Variants in HDHD5 observed in about 807,000 individuals in gnomAD.
HDHD5 encodes the protein haloacid dehalogenase-like hydrolase domain-containing 5.
A neutral mutation model predicts 35.5 loss-of-function variants in HDHD5; 34 were observed. That is an observed-to-expected ratio of 0.96 (90% CI 0.73 to 1.28). The LOEUF (loss-of-function observed/expected upper bound fraction) is 1.28, where lower values mean the gene tolerates loss of function less well. Ranked by LOEUF, HDHD5 falls within the 50% of genes most tolerant of loss-of-function variation. HDHD5 has a pLI of 0.00. For missense variants in HDHD5, 589 were observed against 560.2 expected (o/e 1.05, Z -0.52); for synonymous variants, 248 against 240.6 (o/e 1.03, Z -0.29).
At chr22:17,155,210 A>T (rs893614244) in intron 1 of HDHD5, among the ~76,000 whole-genome samples, 1 of 151,732 alleles carries the variant, frequency 6.6e-6, no homozygotes, top group Non-Finnish European at 1.5e-5. Context: ...CATTGCCTAA[A>T]CAGTCACAAG....
At chr22:17,149,188 C>A (rs1245596893) in intron 2 of HDHD5, among the ~76,000 whole-genome samples, 1 of 152,190 alleles carries the variant, frequency 6.6e-6, no homozygotes, top group African/African-American at 2.4e-5. Context: ...TGGTGCAGGG[C>A]TGCAGGTGGC....
At chr22:17,155,247 T>G (rs1370133394) in intron 1 of HDHD5, among the ~76,000 whole-genome samples, 1 of 151,020 alleles carries the variant, frequency 6.6e-6, no homozygotes, top group Non-Finnish European at 1.5e-5. Flanking sequence ...TTTTTTTTTT[T>G]GTTTGGTTGG....
chr22:17,152,076 GC>G (rs1374705011), intron 1 of HDHD5, among the ~76,000 whole-genome samples: 2 of 152,166 alleles, frequency 1.3e-5, no homozygotes, highest in Non-Finnish European at 2.9e-5. Flanking sequence ...TAGACAGGCA[GC>G]CCCAGGACAG....
rs142930307 is a variant in HDHD5, at chr22:17,152,447, A to T, written c.127-2702T>A. ...ACAGGGGTGGAGGGAAGAGGGAGCC[A>T]CACGGACTCCCATGCTTTTTTATTT... On this transcript the variant is annotated intron_variant, in intron 1 of 7. Coordinates refer to ENST00000336737, the MANE Select transcript of HDHD5 (RefSeq NM_033070.3). Among the ~76,000 whole-genome samples the T allele has an allele frequency of 2.6e-3, 401 of 152,266 alleles. 3 individuals carry two copies. The highest frequency in any genetic ancestry group is 9.3e-3 in the African/African-American group (386 of 41,524).
chr22:17,148,606 G>A (rs779527405), intron 2 of HDHD5, 46 bp from the exon 3 acceptor site: 27 of 1,415,620 alleles, frequency 1.9e-5, no homozygotes, highest in Admixed American at 5.1e-5. Context: ...AGACAGAACT[G>A]TTGAGGGAAA....
chr22:17,159,031 G>T lies in HDHD5; in HGVS notation c.126+95C>A, dbSNP rs1322619079. ...GTCCAGGCAGTTCCCAGGAGGCTGGGATACCAGCCCGGCCGCCCCTCCTTC... is the reference window on the plus strand; with the variant it reads ...GTCCAGGCAGTTCCCAGGAGGCTGGTATACCAGCCCGGCCGCCCCTCCTTC... On this transcript the variant is annotated intron_variant, in intron 1 of 7. Transcript: ENST00000336737. 3.7e-6 allele frequency: 4 copies of T among 1,087,154 alleles called. No homozygotes were observed. The Admixed American group carries it at 1.4e-4, about 39-fold the overall frequency. The allele number at this position is 1,087,154 out of a possible 1,614,324, so 67.3% of individuals were successfully genotyped here.
intron 3 of HDHD5, among the ~76,000 whole-genome samples, chr22:17,147,623 C>T (rs1601390145): frequency 7.1e-6 from 1 of 141,762 alleles, no homozygotes; most frequent in Non-Finnish European, 1.5e-5. Context: ...GCTTACCGGC[C>T]TTCAATCACA....
In HDHD5 at chr22:17,149,703, G is replaced by A. The variant is rs774504586; in HGVS notation, c.169C>T (p.Leu57Phe). 8 of 1,614,078 alleles carry A rather than the reference G, an allele frequency of 5.0e-6. No homozygotes were observed. The highest frequency in any genetic ancestry group is 3.3e-5 in the Admixed American group (2 of 60,016). ...GGGATCACTCTGTGGCCCCGCACAA[G>A]CACTCCATCGATGTCCAACAGGAAC... ...FGFLLDIDGV[L>F]VRGHRVIPAA... The change falls in exon 2 of 8, where the codon CTT becomes TTT. Residue 57 changes from leucine (L) to phenylalanine (F), a missense_variant. Leu to Phe is a conservative substitution (Grantham distance 22). Coordinates refer to ENST00000336737, the MANE Select transcript of HDHD5 (RefSeq NM_033070.3).
At chr22:17,148,648 G>A in intron 2 of HDHD5, 88 bp from the exon 3 acceptor site, 1 of 1,042,912 alleles carries the variant, frequency 9.6e-7, no homozygotes, top group Non-Finnish European at 1.4e-6. Flanking sequence ...CTTTAGCCTA[G>A]GGAAGGAAAA....
At chr22:17,157,022 G>A (rs2061801155) in intron 1 of HDHD5, among the ~76,000 whole-genome samples, 1 of 150,518 alleles carries the variant, frequency 6.6e-6, no homozygotes, top group Non-Finnish European at 1.5e-5. Flanking sequence ...AGGTTGCAGT[G>A]GACCGAGATG....
intron 4 of HDHD5, 137 bp downstream of exon 4, chr22:17,144,887 T>C: frequency 4.7e-6 from 5 of 1,070,798 alleles, no homozygotes; most frequent in Non-Finnish European, 6.8e-6. Context: ...AACAAAACCC[T>C]TAGCCAGATG....
chr22:17,154,591 G>C (rs2061763455), intron 1 of HDHD5, among the ~76,000 whole-genome samples: 1 of 150,964 alleles, frequency 6.6e-6, no homozygotes, highest in Non-Finnish European at 1.5e-5. Context: ...TGGCATCGTG[G>C]TTATGTTCAG....
At chr22:17,151,439 G>A (rs988645190) in intron 1 of HDHD5, among the ~76,000 whole-genome samples, 1 of 152,124 alleles carries the variant, frequency 6.6e-6, no homozygotes, top group Non-Finnish European at 1.5e-5. Context: ...AAACAGAAAT[G>A]GCGCTACAGG....
In HDHD5 at chr22:17,138,057, C is replaced by A. The variant is rs1358305774; in HGVS notation, c.1236G>T (p.Gln412His). Residue 412 changes from glutamine (Q) to histidine (H), a missense_variant, in exon 8 of 8, where the codon CAG (glutamine) becomes CAT (histidine). Transcript: ENST00000336737. ...HVVNDVNEAV[Q>H]LVFRKEGWAL... ...CCCAGCCCTCCTTGCGGAAGACCAG[C>A]TGCACAGCCTCATTCACGTCATTCA... is the stretch of plus-strand genomic sequence containing the variant. 1 of 1,613,664 alleles carries A rather than the reference C, an allele frequency of 6.2e-7. No individual in the cohort carries two copies. The highest frequency in any genetic ancestry group is 2.2e-5 in the East Asian group (1 of 44,874).
chr22:17,139,400 T>C (rs942571061), intron 6 of HDHD5, among the ~76,000 whole-genome samples: 67 of 152,006 alleles, frequency 4.4e-4, no homozygotes, highest in African/African-American at 1.1e-3. Flanking sequence ...TGGTGGCACA[T>C]GCCTGTAGTC....
Position 17,140,713 on chromosome 22 carries a change from A to G in HDHD5, c.746+346T>C, listed in dbSNP as rs567941606. 2.0e-3 allele frequency among the ~76,000 whole-genome samples: 304 copies of G among 152,328 alleles called. 1 individual carries two copies. The highest frequency in any genetic ancestry group is 6.8e-3 in the African/African-American group (281 of 41,582). On this transcript the variant is annotated intron_variant, in intron 6 of 7. Coordinates refer to ENST00000336737, the MANE Select transcript of HDHD5 (RefSeq NM_033070.3). ...GGATGGAGCCAAGGAAGGAAGAGCA[A>G]CTGAATAATGTGCACAGATACGGTA...
chr22:17,138,445 G>A (rs910844600), intron 7 of HDHD5, 88 bp from the exon 8 acceptor site: 46 of 1,545,452 alleles, frequency 3.0e-5, no homozygotes, highest in South Asian at 1.3e-4. Flanking sequence ...GAAGAGTTTC[G>A]GGGCAGAAGA....
intron 5 of HDHD5, 165 bp downstream of exon 5, chr22:17,142,933 G>A (rs2061614893): frequency 3.1e-6 from 2 of 644,028 alleles, no homozygotes; most frequent in East Asian, 3.1e-5. Context: ...ACTAACAACA[G>A]TCTCAGAGGT....
At chr22:17,163,628 C>A (rs2061875989), upstream of HDHD5, among the ~76,000 whole-genome samples, 2 of 152,146 alleles carry the variant, frequency 1.3e-5, no homozygotes, top group African/African-American at 4.8e-5. Context: ...ATCTGTGGGC[C>A]CTGCTCATCT....
Sources: allele counts gnomAD v4.1 joint callset (sites outside exome capture counted in the v4.1 genomes callset), GRCh38; gene constraint gnomAD v4.1.1; transcripts MANE v1.5; gene names NCBI Gene and HGNC (gene_info 2026-07-23, HGNC 2026-07-21).